MSANTD2: variants seen among roughly 807,000 people sequenced by gnomAD.
MSANTD2 encodes the protein Myb/SANT DNA binding domain containing 2.
In MSANTD2, 19 loss-of-function variants were observed where a neutral mutation model predicts 52.6. The ratio of observed to expected loss-of-function variants is 0.36; its 90% CI spans 0.25 to 0.53. The LOEUF (loss-of-function observed/expected upper bound fraction) is 0.53, where lower values mean the gene tolerates loss of function less well. Among genes scored for constraint, MSANTD2 ranks in the 20% least tolerant of loss-of-function variants. The pLI, the probability that MSANTD2 is intolerant of heterozygous loss-of-function variation, is 0.91. For synonymous variants in MSANTD2, 291 were observed against 289.7 expected (o/e 1.00, Z -0.04); for missense variants, 558 against 716.3 (o/e 0.78, Z 2.52).
chr11:124,793,393 A>G (rs1945392815), intron 1 of MSANTD2, among the ~76,000 whole-genome samples: 1 of 152,190 alleles, frequency 6.6e-6, no homozygotes, highest in Non-Finnish European at 1.5e-5. Context: ...ATAAATTTCC[A>G]AACACATCAT....
chr11:124,773,236 T>C (rs769993233), intron 2 of MSANTD2, 182 bp from the exon 3 acceptor site: 25 of 458,178 alleles, frequency 5.5e-5, no homozygotes, highest in Non-Finnish European at 8.9e-5. Context: ...GATGCATACA[T>C]TTATATGTAA....
rs1239936454 is a variant in MSANTD2 at position 124,791,934 on chromosome 11, CATT to C, written c.510+7934_510+7936del. 6 of 266,334 alleles carry C rather than the reference CATT, an allele frequency of 2.3e-5. No homozygotes were observed. The East Asian group carries it at 3.0e-4, about 13-fold the overall frequency. 16.5% of individuals were successfully genotyped at this position (266,334 alleles called of 1,614,324 possible). A position where few individuals can be genotyped will look rare whatever the true frequency, so the allele number is the denominator to read the frequency against. On this transcript the variant is annotated intron_variant, in intron 1 of 3. Coordinates refer to ENST00000374979, the MANE Select transcript of MSANTD2 (RefSeq NM_001308027.2). Reference sequence around the variant, plus strand: ...TATTACATGTAGTTCAGTATAGTGTCATTATGTGGATTAAGTTAATATTTACAA... The same window carrying C: ...TATTACATGTAGTTCAGTATAGTGTCATGTGGATTAAGTTAATATTTACAA...
intron 1 of MSANTD2, among the ~76,000 whole-genome samples, chr11:124,794,626 C>G (rs967850416): frequency 2.6e-5 from 4 of 152,210 alleles, no homozygotes; most frequent in African/African-American, 9.6e-5. Context: ...TGGGCAGAGT[C>G]TATTAAAATG....
chr11:124,772,718 CAGAGCG>C (rs1384872484), intron 3 of MSANTD2, among the ~76,000 whole-genome samples: 1 of 120,390 alleles, frequency 8.3e-6, no homozygotes, highest in African/African-American at 3.2e-5. Flanking sequence ...GCCTGGGTGA[CAGAGCG>C]AGAGCGAGAT....
chr11:124,768,280 A>G (rs1369825007), intron 3 of MSANTD2, among the ~76,000 whole-genome samples: 1 of 152,158 alleles, frequency 6.6e-6, no homozygotes, highest in African/African-American at 2.4e-5. Flanking sequence ...ATGAAAAGAA[A>G]CACACCCCTA....
intron 1 of MSANTD2, chr11:124,776,211 T>C (rs1397268446): frequency 6.6e-6 from 1 of 152,262 alleles, no homozygotes; most frequent in Non-Finnish European, 1.5e-5. Context: ...GTGAGATTGC[T>C]CTCCATAAGC....
intron 1 of MSANTD2, among the ~76,000 whole-genome samples, chr11:124,798,363 C>T (rs1267633021): frequency 6.6e-6 from 1 of 151,534 alleles, no homozygotes. Context: ...GGGAGATCCT[C>T]TCTCTAAATA....
At chr11:124,785,601 G>A (rs1945132826) in intron 1 of MSANTD2, among the ~76,000 whole-genome samples, 1 of 152,154 alleles carries the variant, frequency 6.6e-6, no homozygotes, top group African/African-American at 2.4e-5. Context: ...GAGAGTGGGG[G>A]GCCCTCACCT....
chr11:124,782,687 T>A (rs985638019), intron 1 of MSANTD2, among the ~76,000 whole-genome samples: 6 of 152,174 alleles, frequency 3.9e-5, no homozygotes, highest in Non-Finnish European at 4.4e-5. Flanking sequence ...ATTTTATCTA[T>A]CTTGGTTGTC....
chr11:124,785,672 G>C (rs1251280470), intron 1 of MSANTD2, among the ~76,000 whole-genome samples: 4 of 152,160 alleles, frequency 2.6e-5, no homozygotes, highest in Non-Finnish European at 4.4e-5. Context: ...GAAGCCACCA[G>C]CAGTCAGCAT....
rs1944346854 is a variant in MSANTD2, at chr11:124,767,549, G to A, written c.1307C>T (p.Ser436Leu). ...GYEECIERPL[S>L]PHMEQSSLDP... is the part of the protein sequence containing the mutation. Reference sequence around the variant, plus strand: ...CAGGGAACTTTGCTCCATGTGTGGTGAGAGGGGCCTCTCAATACATTCTTC... The same window carrying A: ...CAGGGAACTTTGCTCCATGTGTGGTAAGAGGGGCCTCTCAATACATTCTTC... Residue 436 changes from serine (S) to leucine (L), a missense_variant, in exon 4 of 4, where the codon TCA (serine) becomes TTA (leucine). Coordinates refer to ENST00000374979, the MANE Select transcript of MSANTD2 (RefSeq NM_001308027.2). The surrounding 1 kb of genome is among the most constrained non-coding windows in gnomAD (Gnocchi z 6.5). 6.2e-7 allele frequency: 1 copy of A among 1,614,030 alleles called. No homozygotes were observed. Among genetic ancestry groups the A allele is most frequent in the Non-Finnish European group, 8.5e-7 (1 of 1,180,038 alleles).
chr11:124,774,776 C>T lies in MSANTD2; in HGVS notation c.709G>A (p.Glu237Lys). 6.2e-7 allele frequency: 1 copy of T among 1,614,168 alleles called. No individual in the cohort carries two copies. The highest frequency in any genetic ancestry group is 8.5e-7 in the Non-Finnish European group (1 of 1,180,028). Reference sequence around the variant, plus strand: ...TCCTGACTGTGGTTTCCCCAGTCCTCCTGTGAATAGTCCTCCATAGTGCTG... The same window carrying T: ...TCCTGACTGTGGTTTCCCCAGTCCTTCTGTGAATAGTCCTCCATAGTGCTG... ...DGSTMEDYSQEDWGNHSQDLH... is the reference protein window; with the variant it reads ...DGSTMEDYSQKDWGNHSQDLH... The change falls in exon 2 of 4, where the codon GAG becomes AAG. Residue 237 changes from glutamate (E) to lysine (K), a missense_variant. Glu to Lys is a moderately conservative substitution (Grantham distance 56). Transcript: ENST00000374979. This position sits in a 1 kb window ranked among gnomAD's most constrained non-coding sequence, Gnocchi z 5.1.
chr11:124,783,574 T>C, intron 1 of MSANTD2: 2 of 273,252 alleles, frequency 7.3e-6, no homozygotes, highest in Non-Finnish European at 1.1e-5. Context: ...GAGCTGAGAC[T>C]GTGCCACTGC....
intron 1 of MSANTD2, among the ~76,000 whole-genome samples, chr11:124,794,770 A>C (rs1945439826): frequency 6.6e-6 from 1 of 152,218 alleles, no homozygotes. Context: ...CTGTTAGAGT[A>C]CAAAATTTGT....
At chr11:124,784,819 GA>G (rs1284638425) in intron 1 of MSANTD2, 2 of 234,280 alleles carry the variant, frequency 8.5e-6, no homozygotes, top group East Asian at 3.6e-4. Flanking sequence ...AAGGTTATCT[GA>G]AATCTTCCCT....
chr11:124,788,477 T>C (rs1244259994), intron 1 of MSANTD2, among the ~76,000 whole-genome samples: 1 of 152,244 alleles, frequency 6.6e-6, no homozygotes, highest in Non-Finnish European at 1.5e-5. Flanking sequence ...AGAATTTTTT[T>C]CCTGATTTTT....
chr11:124,799,348 T>C (rs1300886084), intron 1 of MSANTD2, among the ~76,000 whole-genome samples: 3 of 152,232 alleles, frequency 2.0e-5, no homozygotes, highest in South Asian at 2.1e-4. Context: ...TAGCTCAAGA[T>C]AGAAGCAAAG....
chr11:124,769,107 C>T (rs138189936), intron 3 of MSANTD2, among the ~76,000 whole-genome samples: 6 of 152,310 alleles, frequency 3.9e-5, no homozygotes, highest in East Asian at 3.9e-4. Context: ...TTCTTGAAAA[C>T]GGGCTCTGGA....
At chr11:124,793,081 C>T (rs1257249436) in intron 1 of MSANTD2, among the ~76,000 whole-genome samples, 1 of 152,148 alleles carries the variant, frequency 6.6e-6, no homozygotes, top group East Asian at 1.9e-4. Flanking sequence ...TTGATGGAGG[C>T]AACTTGAAAC....
Sources: allele counts gnomAD v4.1 joint callset (sites outside exome capture counted in the v4.1 genomes callset), GRCh38; gene constraint gnomAD v4.1.1; non-coding constraint Gnocchi (gnomAD v3.1); transcripts MANE v1.5; gene names NCBI Gene and HGNC (gene_info 2026-07-23, HGNC 2026-07-21).